The following POM121 variants were observed in gnomAD, a reference collection of about 807,000 sequenced individuals.
The protein encoded by POM121 is POM121 transmembrane nucleoporin.
POM121 carries 32 observed loss-of-function variants against 81.3 expected under a neutral mutation model. The ratio of observed to expected loss-of-function variants is 0.39; its 90% CI spans 0.30 to 0.53. The LOEUF (loss-of-function observed/expected upper bound fraction) is 0.53. Ranked by LOEUF, POM121 falls within the 20% of genes least tolerant of loss-of-function variation. The pLI, the probability that POM121 is intolerant of heterozygous loss-of-function variation, is 0.66. For missense variants in POM121, 1,138 were observed against 1,614.6 expected (o/e 0.70, Z 5.06); for synonymous variants, 514 against 694.2 (o/e 0.74, Z 4.08).
At chr7:72,894,514 G>T (rs1356179776) in intron 3 of POM121, among the ~76,000 whole-genome samples, 1 of 151,728 alleles carries the variant, frequency 6.6e-6, no homozygotes, top group Non-Finnish European at 1.5e-5. Context: ...GGAGGCGGAG[G>T]TTGCAGTGAG....
chr7:72,928,609 T>A, intron 4 of POM121, 144 bp downstream of exon 4: 1 of 956,358 alleles, frequency 1.0e-6, no homozygotes, highest in Non-Finnish European at 1.6e-6. Flanking sequence ...ACGTTTTGAG[T>A]AACTTGCCAC....
At chr7:72,938,291 A>G (rs1796717842) in intron 5 of POM121, among the ~76,000 whole-genome samples, 3 of 151,272 alleles carry the variant, frequency 2.0e-5, no homozygotes, top group African/African-American at 4.9e-5. Flanking sequence ...CAGTGGGGCA[A>G]TCTCAGCTCA....
At chr7:72,937,147 C>T (rs1275315875) in intron 5 of POM121, among the ~76,000 whole-genome samples, 1 of 151,758 alleles carries the variant, frequency 6.6e-6, no homozygotes, top group Non-Finnish European at 1.5e-5. Flanking sequence ...CCCAGCTACT[C>T]GGGAGGCTGA....
intron 3 of POM121, among the ~76,000 whole-genome samples, chr7:72,900,128 C>T (rs1171604684): frequency 1.3e-5 from 2 of 152,182 alleles, no homozygotes; most frequent in East Asian, 1.9e-4. Flanking sequence ...TGATTTAGCT[C>T]GTTTTCTGAT....
chr7:72,942,039 T>G lies in POM121; in HGVS notation c.2046T>G (p.Leu682=), dbSNP rs782591427. 3 of 1,603,540 alleles carry G rather than the reference T, an allele frequency of 1.9e-6. No individual in the cohort carries two copies. Among genetic ancestry groups the G allele is most frequent in the South Asian group, 2.2e-5 (2 of 90,420 alleles). Reference sequence around the variant, plus strand: ...CTGACACCAAGGCACCTCCAACCCTTCAGGCAGAGACGGCTACCAAACCCC... The same window carrying G: ...CTGACACCAAGGCACCTCCAACCCTGCAGGCAGAGACGGCTACCAAACCCC... ...PATDTKAPPT[L]QAETATKPQA... Residue 682 remains leucine (L), a synonymous_variant, in exon 11 of 13, where the codon CTT becomes CTG. Transcript: ENST00000434423.
At chr7:72,889,862 CT>C (rs1791127693) in intron 1 of POM121, among the ~76,000 whole-genome samples, 1 of 151,912 alleles carries the variant, frequency 6.6e-6, no homozygotes, top group South Asian at 2.1e-4. Flanking sequence ...GCCATTGGTA[CT>C]TTTACACCTC....
chr7:72,926,679 CTG>C, intron 2 of POM121, 121 bp from the exon 3 acceptor site: 3 of 1,494,552 alleles, frequency 2.0e-6, no homozygotes, highest in Non-Finnish European at 2.7e-6. Flanking sequence ...ACGGGAACTG[CTG>C]TGAGTGTATA....
rs782262541 is a variant in POM121, at chr7:72,948,297, G to A, written c.*2063G>A. 118 of 1,576,844 alleles carry A rather than the reference G, an allele frequency of 7.5e-5. No homozygotes were observed. Among genetic ancestry groups the A allele is most frequent in the South Asian group, 6.4e-4 (56 of 87,114 alleles). The stretch of plus-strand genomic sequence containing the variant: ...TAAGAATAAAAAACTGTGATCTATC[G>A]TAGAGTACGTTCTGCATTTTATTTC... On this transcript the variant is annotated 3_prime_UTR_variant, in exon 13 of 13. Transcript: ENST00000434423.
chr7:72,895,608 C>A (rs1220192607), intron 3 of POM121, among the ~76,000 whole-genome samples: 1 of 152,162 alleles, frequency 6.6e-6, no homozygotes, highest in East Asian at 1.9e-4. Context: ...GACTAATCTT[C>A]CTAAAGCATG....
rs200582827 is a variant in POM121, at chr7:72,942,870, G to A, written c.2877G>A (p.Pro959=). 1.1e-5 allele frequency: 17 copies of A among 1,590,322 alleles called. No homozygotes were observed. The highest frequency in any genetic ancestry group is 1.3e-5 in the African/African-American group (1 of 74,130). ...NIPFGSSAKS[P]LPSYPGANPQ... is the part of the protein sequence containing the mutation. ...CCTTTGGCTCAAGCGCCAAGTCCCCGCTCCCATCATATCCGGGAGCCAACC... is the reference window on the plus strand; with the variant it reads ...CCTTTGGCTCAAGCGCCAAGTCCCCACTCCCATCATATCCGGGAGCCAACC... The change falls in exon 11 of 13, where the codon CCG becomes CCA. Residue 959 remains proline (P), a synonymous_variant. Transcript: ENST00000434423.
At chr7:72,894,316 G>A (rs1421331718) in intron 3 of POM121, among the ~76,000 whole-genome samples, 2 of 151,546 alleles carry the variant, frequency 1.3e-5, no homozygotes, top group Non-Finnish European at 2.9e-5. Context: ...GGTGGCTCAC[G>A]CCTGTAATCC....
intron 1 of POM121, among the ~76,000 whole-genome samples, chr7:72,889,315 C>T (rs1448027736): frequency 6.6e-6 from 1 of 152,236 alleles, no homozygotes; most frequent in Non-Finnish European, 1.5e-5. Context: ...CTACATGGTC[C>T]TAGCTGTATC....
chr7:72,926,696 A>T (rs1396067368), intron 2 of POM121, 106 bp from the exon 3 acceptor site: 21 of 1,514,360 alleles, frequency 1.4e-5, no homozygotes, highest in Non-Finnish European at 1.6e-5. Context: ...TGTATAAATT[A>T]TACTTTGGCC....
At chr7:72,901,909 T>G (rs1439476570) in intron 3 of POM121, among the ~76,000 whole-genome samples, 2 of 150,496 alleles carry the variant, frequency 1.3e-5, no homozygotes, top group African/African-American at 2.4e-5. Context: ...GGTCAGGAGT[T>G]CAAGACCAGC....
intron 5 of POM121, among the ~76,000 whole-genome samples, chr7:72,937,909 G>GCA (rs1196864737): frequency 6.6e-6 from 1 of 152,210 alleles, no homozygotes; most frequent in African/African-American, 2.4e-5. Context: ...CGTTACGACA[G>GCA]CATATTTTTA....
chr7:72,940,008 G>C (rs1286230486), intron 8 of POM121, 40 bp downstream of exon 8: 3 of 1,597,908 alleles, frequency 1.9e-6, no homozygotes, highest in Admixed American at 1.7e-5. Flanking sequence ...CCCCGGCTTA[G>C]CTCTCCTAAG....
At chr7:72,901,696 A>G (rs1288006196) in intron 3 of POM121, among the ~76,000 whole-genome samples, 1 of 150,650 alleles carries the variant, frequency 6.6e-6, no homozygotes, top group Non-Finnish European at 1.5e-5. Flanking sequence ...TAGAGATGGG[A>G]TCTCACTGTG....
chr7:72,904,476 A>G (rs1732402944), intron 3 of POM121, among the ~76,000 whole-genome samples: 2 of 152,296 alleles, frequency 1.3e-5, no homozygotes, highest in Admixed American at 1.3e-4. Flanking sequence ...AAGGCAGATC[A>G]GTCCTTTTGG....
chr7:72,938,546 G>C, intron 5 of POM121, 44 bp from the exon 6 acceptor site: 1 of 1,584,532 alleles, frequency 6.3e-7, no homozygotes, highest in South Asian at 1.1e-5. Flanking sequence ...AGGGTCAGAT[G>C]CTAAGTTATC....
Sources: gnomAD v4.1 joint callset for allele counts (sites outside exome capture counted in the v4.1 genomes callset) on GRCh38, gnomAD v4.1.1 for gene constraint, MANE v1.5 for transcripts, NCBI Gene and HGNC (gene_info 2026-07-23, HGNC 2026-07-21) for gene names.